ZBED6: variants seen among roughly 807,000 people sequenced by gnomAD.
ZBED6 encodes the protein zinc finger BED-type containing 6, also known as zinc finger BED domain-containing protein 6.
A neutral mutation model predicts 58.4 loss-of-function variants in ZBED6; 40 were observed. That is an observed-to-expected ratio of 0.68 (90% CI 0.53 to 0.89). The LOEUF is 0.89. Ranked by LOEUF, ZBED6 falls within the 40% of genes least tolerant of loss-of-function variation. The probability of loss-of-function intolerance (pLI) is 0.00; values close to 1 mark genes in which losing one functional copy is unlikely to be tolerated. For missense variants in ZBED6, 1,057 were observed against 1,003.9 expected (o/e 1.05, Z -0.71); for synonymous variants, 439 against 350.6 (o/e 1.25, Z -2.82).
rs757046949 is a variant in ZBED6 at position 203,830,221 on chromosome 1, GGCATGGATAGTTGTATGTT to G, written c.*3399+21_*3399+39del. Reference sequence around the variant, plus strand: ...GCAAGGTGGTAAGTCATCACGTTTTGGCATGGATAGTTGTATGTTGCTAGGGAAGAATACTAAGGACGCT... The same window carrying G: ...GCAAGGTGGTAAGTCATCACGTTTTGGCTAGGGAAGAATACTAAGGACGCT... On this transcript the variant is annotated intron_variant, in intron 7 of 16. Transcript: ENST00000550078. The G allele has an allele frequency of 1.3e-6, 2 of 1,571,692 alleles. No individual in the cohort carries two copies. Among genetic ancestry groups the G allele is most frequent in the East Asian group, 4.5e-5 (2 of 44,704 alleles).
At chr1:203,800,340 C>A (rs759571494) in exon 1 of ZBED6, 4 of 892,982 alleles carry the variant, frequency 4.5e-6, no homozygotes, top group South Asian at 4.2e-5. Context: ...CAATATAGAA[C>A]AACTGATGTT....
At chr1:203,844,155 C>CTTTATTT (rs1687250482) in intron 11 of ZBED6, among the ~76,000 whole-genome samples, 1 of 151,854 alleles carries the variant, frequency 6.6e-6, no homozygotes, top group African/African-American at 2.4e-5. Flanking sequence ...CTGTGCCCGC[C>CTTTATTT]TTTATTTTTT....
chr1:203,816,820 C>G, intron 1 of ZBED6, 106 bp from the exon 2 acceptor site: 2 of 412,256 alleles, frequency 4.9e-6, no homozygotes, highest in South Asian at 5.1e-5. Context: ...TAAGCAAGGT[C>G]GTATTAATAA....
At chr1:203,847,631 C>G (rs1688232208) in exon 12 of ZBED6, 1 of 1,613,186 alleles carries the variant, frequency 6.2e-7, no homozygotes, top group East Asian at 2.2e-5. Context: ...AGCTCCCCGT[C>G]TCAACACGAG....
intron 1 of ZBED6, chr1:203,815,031 T>G (rs771143213): frequency 3.3e-5 from 5 of 151,896 alleles, no homozygotes; most frequent in Admixed American, 6.6e-5. Flanking sequence ...GGTTTCGCCA[T>G]GTTGTCCAGG....
intron 3 of ZBED6, among the ~76,000 whole-genome samples, chr1:203,826,968 C>A (rs2102976421): frequency 6.6e-6 from 1 of 152,294 alleles, no homozygotes; most frequent in African/African-American, 2.4e-5. Context: ...CCCCTTGTTA[C>A]TAACCACATC....
exon 1 of ZBED6, chr1:203,795,726 GAAGA>G (rs1163735693): frequency 6.6e-6 from 1 of 152,244 alleles, no homozygotes; most frequent in African/African-American, 2.4e-5. Context: ...GGCCAAGCAA[GAAGA>G]AAGACGTGGC....
chr1:203,825,607 G>C (rs1002732313), intron 3 of ZBED6, among the ~76,000 whole-genome samples: 1 of 151,828 alleles, frequency 6.6e-6, no homozygotes, highest in Non-Finnish European at 1.5e-5. Context: ...GCTAATTTTT[G>C]TATTTTTTAG....
intron 11 of ZBED6, 151 bp from the exon 12 acceptor site, chr1:203,847,033 A>G: frequency 1.1e-6 from 1 of 875,074 alleles, no homozygotes; most frequent in South Asian, 1.8e-5. Flanking sequence ...AAAAAAAGGA[A>G]AAGAAATAAA....
exon 1 of ZBED6, chr1:203,798,338 T>C: frequency 6.5e-7 from 1 of 1,536,122 alleles, no homozygotes; most frequent in Admixed American, 2.0e-5. Flanking sequence ...TTTGGAATTT[T>C]TTTTACACTG....
chr1:203,801,361 T>C (rs1231462467), exon 1 of ZBED6: 1 of 152,190 alleles, frequency 6.6e-6, no homozygotes, highest in African/African-American at 2.4e-5. Flanking sequence ...CACTGAATTC[T>C]TAATGAAAAC....
At chr1:203,854,093 T>A (rs7312) in exon 17 of ZBED6, 9,070 of 152,708 alleles carry the variant, frequency 0.059, 803 homozygotes, top group East Asian at 0.4. Flanking sequence ...AATACTTGTT[T>A]GTGTTTTAAA....
At chr1:203,827,669 A>G (rs1399982832) in intron 3 of ZBED6, among the ~76,000 whole-genome samples, 3 of 151,370 alleles carry the variant, frequency 2.0e-5, no homozygotes, top group African/African-American at 7.3e-5. Context: ...GTGACAGAGC[A>G]AGACTCTGTC....
rs779785430 is a variant in ZBED6 at position 203,850,496 on chromosome 1, T to A, written c.*4639-19T>A. 4 of 1,613,930 alleles carry A rather than the reference T, an allele frequency of 2.5e-6. No individual in the cohort carries two copies. The highest frequency in any genetic ancestry group is 1.3e-5 in the African/African-American group (1 of 75,056). On this transcript the variant is annotated intron_variant, in intron 14 of 16. Coordinates refer to ENST00000550078, the Ensembl canonical transcript of ZBED6. ...GAGTCTATTCTCACTGCTTATCAGA[T>A]ATTTTCTGCCCTTTGTAGCTAAACC... is the stretch of plus-strand genomic sequence containing the variant.
chr1:203,843,865 C>T (rs1331535876), intron 11 of ZBED6, among the ~76,000 whole-genome samples: 2 of 150,486 alleles, frequency 1.3e-5, no homozygotes, highest in Non-Finnish European at 1.5e-5. Context: ...GGGATTTCTT[C>T]TTTTTTTTTG....
At chr1:203,808,752 G>A (rs1050083255) in intron 1 of ZBED6, among the ~76,000 whole-genome samples, 1 of 152,012 alleles carries the variant, frequency 6.6e-6, no homozygotes, top group African/African-American at 2.4e-5. Flanking sequence ...TTGAAGGTAG[G>A]GGCTGGAAAT....
intron 11 of ZBED6, among the ~76,000 whole-genome samples, chr1:203,841,838 G>A (rs567097386): frequency 7.3e-5 from 10 of 136,896 alleles, no homozygotes; most frequent in Admixed American, 1.4e-4. Context: ...TCCTCACTTC[G>A]CAGACGGGGC....
exon 12 of ZBED6, chr1:203,847,280 T>C: frequency 6.2e-6 from 10 of 1,613,678 alleles, no homozygotes; most frequent in Non-Finnish European, 7.6e-6. Flanking sequence ...CAAACTAAAC[T>C]CAAGACAGAA....
chr1:203,844,799 C>CT (rs1195005160), intron 11 of ZBED6, among the ~76,000 whole-genome samples: 3 of 152,076 alleles, frequency 2.0e-5, no homozygotes, highest in Non-Finnish European at 2.9e-5. Flanking sequence ...AACTTCTTTC[C>CT]TTTTTCAGAT....
Sources: allele counts gnomAD v4.1 joint callset (sites outside exome capture counted in the v4.1 genomes callset), GRCh38; gene constraint gnomAD v4.1.1; transcripts MANE v1.5; gene names NCBI Gene and HGNC (gene_info 2026-07-23, HGNC 2026-07-21).